KCNQ2: variants seen among roughly 807,000 people sequenced by gnomAD.
The protein encoded by KCNQ2 is potassium voltage-gated channel subfamily KQT member 2.
Under a neutral mutation model 84.8 loss-of-function variants are expected in KCNQ2, and 14 were observed. The observed-to-expected ratio is 0.17, with a 90% confidence interval of 0.11 to 0.26. The LOEUF (loss-of-function observed/expected upper bound fraction) is 0.26. Ranked by LOEUF, KCNQ2 falls within the 10% of genes least tolerant of loss-of-function variation. KCNQ2 has a pLI of 1.00. For missense variants in KCNQ2, 788 were observed against 1,254.0 expected, an observed-to-expected ratio of 0.63 and a Z score of 5.61; for synonymous variants, 599 against 554.1, an observed-to-expected ratio of 1.08 and a Z score of -1.14.
intron 4 of KCNQ2, 111 bp downstream of exon 4, chr20:63,444,548 C>T (rs575436590): frequency 1.3e-4 from 108 of 861,954 alleles, no homozygotes; most frequent in Admixed American, 4.1e-4. Context: ...CTGACTCCAT[C>T]CCTCCACCCA....
At position 63,408,578 on chromosome 20, in the gene KCNQ2, G is replaced by T; in HGVS notation, c.1764-42C>A. On this transcript the variant is annotated intron_variant, in intron 15 of 16. Coordinates refer to ENST00000359125, the MANE Select transcript of KCNQ2 (RefSeq NM_172107.4). The surrounding 1 kb of genome is among the most constrained non-coding windows in gnomAD (Gnocchi z 5.0). ...CCCCAAAGCATGAGTTCGGGTGGGT[G>T]CAGCAGGGCCCCTGCCCTCTCCTCC... 6.2e-7 allele frequency: 1 copy of T among 1,603,956 alleles called. No individual in the cohort carries two copies.
At chr20:63,434,243 G>C (rs79995195) in intron 7 of KCNQ2, 1 of 334,098 alleles carries the variant, frequency 3.0e-6, no homozygotes, top group Non-Finnish European at 5.5e-6. Flanking sequence ...CCTGTCCTGG[G>C]GGTTACCTTC....
intron 1 of KCNQ2, chr20:63,459,882 A>G (rs557431499): frequency 6.6e-6 from 1 of 152,142 alleles, no homozygotes; most frequent in East Asian, 1.9e-4. Context: ...TGAATAGGAT[A>G]GCTTTGGGTG....
In KCNQ2 at chr20:63,446,936, C is replaced by G. The variant is rs2081446563; in HGVS notation, c.297-99G>C. On this transcript the variant is annotated intron_variant, in intron 1 of 16. Transcript: ENST00000359125. The surrounding 1 kb of genome is among the most constrained non-coding windows in gnomAD (Gnocchi z 5.5). ...GACCCCACTCCCCACCAGGCCGCAG[C>G]AGGGCACCAGCATGGCCGCGTCTCC... is the stretch of plus-strand genomic sequence containing the variant. 9.5e-7 allele frequency: 1 copy of G among 1,053,650 alleles called. No individual in the cohort carries two copies. Among genetic ancestry groups the G allele is most frequent in the East Asian group, 2.4e-5 (1 of 42,168 alleles). The allele number at this position is 1,053,650 out of a possible 1,614,324, so 65.3% of individuals were successfully genotyped here. A position where few individuals can be genotyped will look rare whatever the true frequency, so the allele number is the denominator to read the frequency against.
chr20:63,427,166 G>A (rs1181879084), intron 10 of KCNQ2, among the ~76,000 whole-genome samples: 1 of 152,222 alleles, frequency 6.6e-6, no homozygotes, highest in Non-Finnish European at 1.5e-5. Flanking sequence ...AGGTTGCAGT[G>A]AGCCAAGATC....
chr20:63,414,845 T>G lies in KCNQ2; in HGVS notation c.1525+58A>C. On this transcript the variant is annotated intron_variant, in intron 13 of 16. Transcript: ENST00000359125. This position sits in a 1 kb window ranked among gnomAD's most constrained non-coding sequence, Gnocchi z 6.6. The stretch of plus-strand genomic sequence containing the variant: ...ACGCCACAGGGTGGCCACAGTAGCG[T>G]GGCCACCACATCCATCCCCGGAGAG... The G allele has an allele frequency of 6.4e-7, 1 of 1,554,898 alleles. No homozygotes were observed.
At chr20:63,413,293 T>C in intron 15 of KCNQ2, 157 bp downstream of exon 15, 1 of 775,644 alleles carries the variant, frequency 1.3e-6, no homozygotes, top group African/African-American at 1.8e-5. Context: ...AAAACAGACT[T>C]TGTGAAGACA....
intron 11 of KCNQ2, chr20:63,423,727 T>C: frequency 5.1e-6 from 1 of 197,448 alleles, no homozygotes. Flanking sequence ...TGCCACATGC[T>C]CCAGACACTC....
Position 63,405,547 on chromosome 20 carries a change from G to C in KCNQ2, c.*1097C>G, listed in dbSNP as rs550385262. Reference sequence around the variant, plus strand: ...TGGGAGTGGTTTCCTCCGGAAAGGCGGGGAGGGCGGCCCTGTGCTGACGGT... The same window carrying C: ...TGGGAGTGGTTTCCTCCGGAAAGGCCGGGAGGGCGGCCCTGTGCTGACGGT... On this transcript the variant is annotated 3_prime_UTR_variant, in exon 17 of 17. Transcript: ENST00000359125. 1 of 152,516 alleles carries C rather than the reference G, an allele frequency of 6.6e-6. No individual in the cohort carries two copies. 9.4% of individuals were successfully genotyped at this position (152,516 alleles called of 1,614,324 possible).
At chr20:63,464,285 G>A (rs2082028569) in intron 1 of KCNQ2, among the ~76,000 whole-genome samples, 1 of 151,994 alleles carries the variant, frequency 6.6e-6, no homozygotes, top group Admixed American at 6.5e-5. Context: ...CCTTCTCAGA[G>A]GCTGGCCTCT....
intron 1 of KCNQ2, among the ~76,000 whole-genome samples, chr20:63,464,307 G>T (rs1026691413): frequency 2.0e-5 from 3 of 151,978 alleles, no homozygotes; most frequent in Non-Finnish European, 2.9e-5. Flanking sequence ...CACTCAAGCC[G>T]ATGTCTCCTG....
chr20:63,443,123 C>T (rs1333867701), intron 4 of KCNQ2, among the ~76,000 whole-genome samples: 4 of 86,266 alleles, frequency 4.6e-5, no homozygotes, highest in Non-Finnish European at 9.6e-5. Flanking sequence ...ACCACTATCA[C>T]CACCACCACC....
chr20:63,438,354 G>C lies in KCNQ2; in HGVS notation c.1023+271C>G, dbSNP rs951096906. The C allele has an allele frequency of 3.5e-6, 2 of 565,564 alleles. No homozygotes were observed. Among genetic ancestry groups the C allele is most frequent in the Admixed American group, 3.0e-5 (1 of 33,654 alleles). The allele number at this position is 565,564 out of a possible 1,614,324, so 35.0% of individuals were successfully genotyped here. A position where few individuals can be genotyped will look rare whatever the true frequency, so the allele number is the denominator to read the frequency against. On this transcript the variant is annotated intron_variant, in intron 7 of 16. Coordinates refer to ENST00000359125, the MANE Select transcript of KCNQ2 (RefSeq NM_172107.4). The surrounding 1 kb of genome is among the most constrained non-coding windows in gnomAD (Gnocchi z 5.1). ...TGCTCACCTCCCAGGGTGCGGTAGAGAGGACCTGATGGCCGGGCCCCAGCA... is the reference window on the plus strand; with the variant it reads ...TGCTCACCTCCCAGGGTGCGGTAGACAGGACCTGATGGCCGGGCCCCAGCA...
intron 12 of KCNQ2, among the ~76,000 whole-genome samples, chr20:63,416,096 A>C (rs1476033717): frequency 1.3e-5 from 2 of 152,018 alleles, no homozygotes; most frequent in African/African-American, 2.4e-5. Context: ...CGGCTTCTGG[A>C]AGGAAGGAAT....
intron 5 of KCNQ2, among the ~76,000 whole-genome samples, chr20:63,441,612 G>A (rs930236438): frequency 2.6e-5 from 4 of 151,986 alleles, no homozygotes; most frequent in East Asian, 1.9e-4. Context: ...AGGACGCCCC[G>A]GGCCCCACCC....
At chr20:63,464,688 T>C (rs2145884508) in intron 1 of KCNQ2, among the ~76,000 whole-genome samples, 1 of 152,158 alleles carries the variant, frequency 6.6e-6, no homozygotes, top group South Asian at 2.1e-4. Flanking sequence ...CCAGCTCCAC[T>C]CTCCACAGGA....
chr20:63,443,388 CCACCAT>C (rs2081308117), intron 4 of KCNQ2, among the ~76,000 whole-genome samples: 1 of 3,628 alleles, frequency 2.8e-4, no homozygotes, highest in Non-Finnish European at 6.4e-4. Context: ...ATCATCACCA[CCACCAT>C]CACCATCACC....
chr20:63,428,922 A>T (rs1209403848), intron 9 of KCNQ2, among the ~76,000 whole-genome samples: 1 of 152,108 alleles, frequency 6.6e-6, no homozygotes, highest in East Asian at 1.9e-4. Context: ...CTTGGCAAAG[A>T]GCAGCTCATT....
At chr20:63,424,003 A>T in intron 11 of KCNQ2, 174 bp downstream of exon 11, 1 of 675,932 alleles carries the variant, frequency 1.5e-6, no homozygotes, top group Non-Finnish European at 2.7e-6. Context: ...AGGAAGAGTG[A>T]TTTAAGGGCC....
Sources: allele counts gnomAD v4.1 joint callset (sites outside exome capture counted in the v4.1 genomes callset), GRCh38; gene constraint gnomAD v4.1.1; non-coding constraint Gnocchi (gnomAD v3.1); transcripts MANE v1.5; gene names NCBI Gene and HGNC (gene_info 2026-07-23, HGNC 2026-07-21).